Variants in ZNF354B observed in about 807,000 individuals in gnomAD.
ZNF354B encodes the protein zinc finger protein 354B.
Under a neutral mutation model 12.9 loss-of-function variants are expected in ZNF354B, and 10 were observed. The observed-to-expected ratio is 0.77, with a 90% CI of 0.48 to 1.31. The LOEUF (loss-of-function observed/expected upper bound fraction) is 1.31. Ranked by LOEUF, ZNF354B falls within the 40% of genes most tolerant of loss-of-function variation. The pLI, the probability that ZNF354B is intolerant of heterozygous loss-of-function variation, is 0.00. For missense variants in ZNF354B, 614 were observed against 711.7 expected, an observed-to-expected ratio of 0.86 and a Z score of 1.56; for synonymous variants, 260 against 243.7, an observed-to-expected ratio of 1.07 and a Z score of -0.62.
At position 178,871,404 on chromosome 5, in the gene ZNF354B, C is replaced by T. The variant is rs1479165302; in HGVS notation, c.256+4333C>T. 3.3e-5 allele frequency among the ~76,000 whole-genome samples: 5 copies of T among 152,214 alleles called. No individual in the cohort carries two copies. In the East Asian group the frequency reaches 7.7e-4, roughly 23 times the overall value. On this transcript the variant is annotated intron_variant, in intron 4 of 4. Coordinates refer to ENST00000322434, the MANE Select transcript of ZNF354B (RefSeq NM_058230.3). ...TCACTTCCTTGTGCTGCACTGGCTT[C>T]GGCTCACACAGGCACAGATCATCTG...
chr5:178,875,855 G>T (rs1006050105), intron 4 of ZNF354B, among the ~76,000 whole-genome samples: 2 of 152,154 alleles, frequency 1.3e-5, no homozygotes, highest in African/African-American at 4.8e-5. Context: ...CAGTGGCATA[G>T]GGGCTATCAG....
At chr5:178,877,239 A>G (rs566387503) in intron 4 of ZNF354B, among the ~76,000 whole-genome samples, 2 of 152,202 alleles carry the variant, frequency 1.3e-5, no homozygotes, top group South Asian at 4.2e-4. Context: ...GTGTGATCTC[A>G]GCTCACTGCA....
chr5:178,863,888 C>T (rs79734720), intron 2 of ZNF354B, among the ~76,000 whole-genome samples: 22,107 of 151,868 alleles, frequency 0.15, 1,946 homozygotes, highest in African/African-American at 0.24. Context: ...AAATTAAAAG[C>T]TTTTGAAATA....
At chr5:178,864,096 A>G (rs1037901450) in intron 2 of ZNF354B, among the ~76,000 whole-genome samples, 9 of 152,228 alleles carry the variant, frequency 5.9e-5, no homozygotes, top group African/African-American at 2.2e-4. Context: ...GCCTAAGTGT[A>G]CAGTGTTTAA....
At chr5:178,862,106 C>G (rs1025669138) in intron 2 of ZNF354B, among the ~76,000 whole-genome samples, 1 of 152,088 alleles carries the variant, frequency 6.6e-6, no homozygotes, top group Non-Finnish European at 1.5e-5. Flanking sequence ...TAATGTCCAC[C>G]GAGTGTCTAG....
intron 4 of ZNF354B, among the ~76,000 whole-genome samples, chr5:178,871,207 A>G (rs1212776182): frequency 2.0e-5 from 3 of 151,982 alleles, no homozygotes; most frequent in African/African-American, 7.3e-5. Context: ...GGCCCTGGCT[A>G]CCTCTTCACC....
chr5:178,862,656 C>T (rs1488467073), intron 2 of ZNF354B, among the ~76,000 whole-genome samples: 2 of 152,250 alleles, frequency 1.3e-5, no homozygotes, highest in African/African-American at 2.4e-5. Flanking sequence ...GTGTGAGCCG[C>T]CGCGCCTGGC....
chr5:178,860,051 C>G lies in ZNF354B; in HGVS notation c.-128C>G, dbSNP rs1263736636. The G allele has an allele frequency of 1.3e-5, 2 of 152,532 alleles. No individual in the cohort carries two copies. The highest frequency in any genetic ancestry group is 3.9e-4 in the East Asian group (2 of 5,186). The allele number at this position is 152,532 out of a possible 1,614,324, so 9.4% of individuals were successfully genotyped here. On this transcript the variant is annotated 5_prime_UTR_variant, in exon 1 of 5. Coordinates refer to ENST00000322434, the MANE Select transcript of ZNF354B (RefSeq NM_058230.3). ...GAGGTCGCCCAGACGTCGGAGGAGC[C>G]GGGTCACGAGGCTGGAGCTTCCTGC...
chr5:178,864,159 T>A (rs1447782041), intron 2 of ZNF354B, among the ~76,000 whole-genome samples: 1 of 152,216 alleles, frequency 6.6e-6, no homozygotes, highest in Non-Finnish European at 1.5e-5. Context: ...CACTCACTGC[T>A]TACTCAGCCA....
intron 4 of ZNF354B, among the ~76,000 whole-genome samples, chr5:178,869,690 C>G (rs1757531190): frequency 6.6e-6 from 1 of 151,988 alleles, no homozygotes; most frequent in Non-Finnish European, 1.5e-5. Flanking sequence ...TCAGTCAGTC[C>G]CTTTTCAGAT....
At chr5:178,875,973 G>T (rs1757631442) in intron 4 of ZNF354B, among the ~76,000 whole-genome samples, 1 of 152,136 alleles carries the variant, frequency 6.6e-6, no homozygotes, top group African/African-American at 2.4e-5. Flanking sequence ...TCCCTGCCTG[G>T]TGAAGAGTTG....
At chr5:178,880,881 T>A (rs1199943077) in intron 4 of ZNF354B, among the ~76,000 whole-genome samples, 1 of 139,568 alleles carries the variant, frequency 7.2e-6, no homozygotes, top group Non-Finnish European at 1.5e-5. Context: ...GCACTCTTGT[T>A]GCCCAGGCTG....
intron 4 of ZNF354B, among the ~76,000 whole-genome samples, chr5:178,872,101 T>A (rs2114016926): frequency 6.6e-6 from 1 of 152,328 alleles, no homozygotes; most frequent in South Asian, 2.1e-4. Flanking sequence ...GGTATCCGTT[T>A]TTACACACAC....
rs201647598 is a variant in ZNF354B at position 178,867,144 on chromosome 5, T to C, written c.256+73T>C. 2.3e-5 allele frequency: 33 copies of C among 1,407,822 alleles called. 1 individual carries two copies. The East Asian group carries it at 7.5e-4, about 32-fold the overall frequency. The allele number at this position is 1,407,822 out of a possible 1,614,324, so 87.2% of individuals were successfully genotyped here. On this transcript the variant is annotated intron_variant, in intron 4 of 4. Coordinates refer to ENST00000322434, the MANE Select transcript of ZNF354B (RefSeq NM_058230.3). ...TGGTTAATGAGAGGAGGTAGGAACA[T>C]TGGTTGGGAAACTCCCTTGAGAATT...
At chr5:178,879,863 C>G (rs1224301158) in intron 4 of ZNF354B, among the ~76,000 whole-genome samples, 2 of 151,822 alleles carry the variant, frequency 1.3e-5, no homozygotes, top group Non-Finnish European at 2.9e-5. Flanking sequence ...CGTGGTGGCT[C>G]AAGCCTGTAA....
Position 178,884,365 on chromosome 5 carries a change from C to T in ZNF354B, c.*74C>T. 12 of 1,429,078 alleles carry T rather than the reference C, an allele frequency of 8.4e-6. No individual in the cohort carries two copies. Among genetic ancestry groups the T allele is most frequent in the Non-Finnish European group, 1.1e-5 (12 of 1,063,354 alleles). 88.5% of individuals were successfully genotyped at this position (1,429,078 alleles called of 1,614,324 possible). On this transcript the variant is annotated 3_prime_UTR_variant, in exon 5 of 5. Coordinates refer to ENST00000322434, the MANE Select transcript of ZNF354B (RefSeq NM_058230.3). The stretch of plus-strand genomic sequence containing the variant: ...ATTAAATATAATGAATATGAGAAAA[C>T]TCTTAGTTCTCATCAGATACTAAGT...
chr5:178,863,140 T>A (rs529759312), intron 2 of ZNF354B, among the ~76,000 whole-genome samples: 35 of 152,340 alleles, frequency 2.3e-4, no homozygotes, highest in Non-Finnish European at 5.0e-4. Flanking sequence ...TCATGTCTTG[T>A]ACTCTTCCCC....
In ZNF354B at chr5:178,872,695, G is replaced by A. The variant is rs538421904; in HGVS notation, c.256+5624G>A. Among the ~76,000 whole-genome samples the A allele has an allele frequency of 6.6e-5, 10 of 152,342 alleles. No individual in the cohort carries two copies. In the South Asian group the frequency reaches 1.9e-3, roughly 28 times the overall value. On this transcript the variant is annotated intron_variant, in intron 4 of 4. Transcript: ENST00000322434. ...TTAACCATTCTGGTAGGTGTATGGTGAAATACATTGTGATTTTAATTTGTG... is the reference window on the plus strand; with the variant it reads ...TTAACCATTCTGGTAGGTGTATGGTAAAATACATTGTGATTTTAATTTGTG...
intron 2 of ZNF354B, among the ~76,000 whole-genome samples, chr5:178,864,655 CTT>C (rs1429694752): frequency 6.6e-6 from 1 of 150,456 alleles, no homozygotes. Flanking sequence ...GGGAGTCTCA[CTT>C]TATCACCAAG....
Sources: allele counts gnomAD v4.1 joint callset (sites outside exome capture counted in the v4.1 genomes callset), GRCh38; gene constraint gnomAD v4.1.1; transcripts MANE v1.5; gene names NCBI Gene and HGNC (gene_info 2026-07-23, HGNC 2026-07-21).